The following IL1RAPL2 variants were observed in gnomAD, a reference collection of about 807,000 sequenced individuals.
The protein encoded by IL1RAPL2 is X-linked interleukin-1 receptor accessory protein-like 2.
IL1RAPL2 carries 3 observed loss-of-function variants against 44.1 expected under a neutral mutation model. The observed-to-expected ratio is 0.07, with a 90% CI of 0.03 to 0.18. The LOEUF is 0.18. Ranked by LOEUF, IL1RAPL2 falls within the 10% of genes least tolerant of loss-of-function variation. IL1RAPL2 has a pLI of 1.00. For synonymous variants in IL1RAPL2, 181 were observed against 178.8 expected (o/e 1.01, Z -0.10); for missense variants, 391 against 496.4 (o/e 0.79, Z 2.02).
chrX:105,437,025 G>GTATATATATATATATA (rs71694806), intron 5 of IL1RAPL2, among the ~76,000 whole-genome samples: 14 of 91,085 alleles, frequency 1.5e-4, no homozygotes, highest in African/African-American at 3.1e-4. Context: ...AAATATAAAC[G>GTATATATATATATATA]TATATATATA....
chrX:105,046,655 A>T (rs1156713196), intron 2 of IL1RAPL2, among the ~76,000 whole-genome samples: 1 of 111,226 alleles, frequency 9.0e-6, no homozygotes, highest in Non-Finnish European at 1.9e-5. Flanking sequence ...ATAATTTTAA[A>T]TAAAAGAGGT....
At chrX:104,941,721 A>G (rs1364581183) in intron 2 of IL1RAPL2, among the ~76,000 whole-genome samples, 2 of 111,474 alleles carry the variant, frequency 1.8e-5, no homozygotes, top group African/African-American at 3.3e-5. Context: ...CCATTTGTCA[A>G]TTTTGACTTT....
chrX:105,557,204 C>A (rs1178037320), intron 6 of IL1RAPL2, among the ~76,000 whole-genome samples: 2 of 111,860 alleles, frequency 1.8e-5, no homozygotes, highest in Admixed American at 1.9e-4. Context: ...TGTTCACAAT[C>A]CCCCTCTTTC....
intron 1 of IL1RAPL2, among the ~76,000 whole-genome samples, chrX:104,653,485 T>C (rs940174567): frequency 9.0e-6 from 1 of 111,413 alleles, no homozygotes; most frequent in Non-Finnish European, 1.9e-5. Flanking sequence ...GGTAAGTATA[T>C]GGTTAACTGG....
At chrX:105,180,671 G>T (rs1438614491) in intron 2 of IL1RAPL2, among the ~76,000 whole-genome samples, 1 of 112,059 alleles carries the variant, frequency 8.9e-6, no homozygotes, top group African/African-American at 3.2e-5. Context: ...AACCATCCTT[G>T]CATCCCTGAT....
chrX:105,473,873 T>G (rs2036180618), intron 5 of IL1RAPL2, among the ~76,000 whole-genome samples: 1 of 112,014 alleles, frequency 8.9e-6, no homozygotes. Context: ...AATATGTTAT[T>G]CCATATGACA....
At chrX:104,868,155 C>T (rs1922666938) in intron 2 of IL1RAPL2, among the ~76,000 whole-genome samples, 1 of 111,871 alleles carries the variant, frequency 8.9e-6, no homozygotes, top group Non-Finnish European at 1.9e-5. Context: ...TTAAGTGAGA[C>T]TATGAGCATA....
At chrX:105,311,641 C>CACACACAT (rs1336391727) in intron 5 of IL1RAPL2, among the ~76,000 whole-genome samples, 1 of 101,535 alleles carries the variant, frequency 9.8e-6, no homozygotes, top group Non-Finnish European at 2.0e-5. Flanking sequence ...CACACACACA[C>CACACACAT]ATATATATAT....
At chrX:105,750,977 A>G (rs1237428843) in intron 9 of IL1RAPL2, among the ~76,000 whole-genome samples, 1 of 111,587 alleles carries the variant, frequency 9.0e-6, no homozygotes. Context: ...TCTATGTAAA[A>G]GAACATAAAA....
chrX:104,998,852 A>G (rs752445269), intron 2 of IL1RAPL2, among the ~76,000 whole-genome samples: 1 of 111,164 alleles, frequency 9.0e-6, no homozygotes, highest in Non-Finnish European at 1.9e-5. Flanking sequence ...TCCAGGCTGG[A>G]GTGCAGTGGT....
intron 2 of IL1RAPL2, among the ~76,000 whole-genome samples, chrX:105,024,937 T>G (rs2031342008): frequency 2.7e-5 from 3 of 110,319 alleles, no homozygotes; most frequent in Admixed American, 1.9e-4. Context: ...TTTTTTTTTT[T>G]GGATAGAAAT....
At chrX:104,899,735 CCT>C (rs1397995007) in intron 2 of IL1RAPL2, among the ~76,000 whole-genome samples, 1 of 111,661 alleles carries the variant, frequency 9.0e-6, no homozygotes, top group African/African-American at 3.3e-5. Context: ...CCTAGAATGC[CCT>C]CTCTCCTCTT....
At chrX:104,818,200 C>T (rs1366459500) in intron 2 of IL1RAPL2, among the ~76,000 whole-genome samples, 1 of 108,294 alleles carries the variant, frequency 9.2e-6, no homozygotes, top group Non-Finnish European at 1.9e-5. Context: ...AAAAATTAGC[C>T]GGGCACAGTG....
chrX:104,599,248 T>A (rs1445853217), intron 1 of IL1RAPL2, among the ~76,000 whole-genome samples: 5 of 110,980 alleles, frequency 4.5e-5, no homozygotes, highest in Non-Finnish European at 9.5e-5. Flanking sequence ...TGATTTTAAA[T>A]TTTTTTAAAT....
intron 6 of IL1RAPL2, among the ~76,000 whole-genome samples, chrX:105,501,892 G>T (rs1232174145): frequency 9.0e-6 from 1 of 111,555 alleles, no homozygotes; most frequent in East Asian, 2.8e-4. Flanking sequence ...TTGTTTTTAG[G>T]TTCCAGAACA....
At chrX:105,058,011 C>T (rs1350859084) in intron 2 of IL1RAPL2, among the ~76,000 whole-genome samples, 4 of 103,902 alleles carry the variant, frequency 3.8e-5, no homozygotes, top group Admixed American at 1.0e-4. Context: ...TGCAGTGGTG[C>T]GATCTCGGCT....
intron 2 of IL1RAPL2, among the ~76,000 whole-genome samples, chrX:104,760,145 T>C: frequency 8.9e-6 from 1 of 112,278 alleles, no homozygotes; most frequent in Non-Finnish European, 1.9e-5. Flanking sequence ...TTATATTCCA[T>C]TGTGTATATG....
At chrX:104,886,002 T>G (rs373766384) in intron 2 of IL1RAPL2, among the ~76,000 whole-genome samples, 4 of 112,475 alleles carry the variant, frequency 3.6e-5, no homozygotes, top group African/African-American at 1.3e-4. Context: ...CTGGGTATGT[T>G]TAACCATTGA....
chrX:105,381,717 C>A (rs780056988), intron 5 of IL1RAPL2, among the ~76,000 whole-genome samples: 2 of 111,761 alleles, frequency 1.8e-5, no homozygotes, highest in African/African-American at 3.2e-5. Flanking sequence ...TATACATCAT[C>A]TCAAATACTT....
Sources: gnomAD v4.1 joint callset for allele counts (sites outside exome capture counted in the v4.1 genomes callset) on GRCh38, gnomAD v4.1.1 for gene constraint, MANE v1.5 for transcripts, NCBI Gene and HGNC (gene_info 2026-07-23, HGNC 2026-07-21) for gene names.